SETBP1: variants seen among roughly 807,000 people sequenced by gnomAD.
SETBP1 encodes the protein SET binding protein 1, also known as SET-binding protein.
Under a neutral mutation model 101.0 loss-of-function variants are expected in SETBP1, and 9 were observed. The observed-to-expected ratio is 0.09, with a 90% CI of 0.05 to 0.16. The LOEUF is 0.16. Among genes scored for constraint, SETBP1 ranks in the 10% least tolerant of loss-of-function variants. The pLI is 1.00. For missense variants in SETBP1, 1,858 were observed against 2,033.8 expected (o/e 0.91, Z 1.66); for synonymous variants, 818 against 788.5 (o/e 1.04, Z -0.63).
intron 1 of SETBP1, among the ~76,000 whole-genome samples, chr18:44,691,073 G>A (rs940220902): frequency 1.3e-5 from 2 of 152,140 alleles, no homozygotes; most frequent in African/African-American, 4.8e-5. Flanking sequence ...ACTCATGTAT[G>A]TAGAAGCAAC....
intron 3 of SETBP1, among the ~76,000 whole-genome samples, chr18:44,927,977 A>G (rs1216106409): frequency 2.6e-5 from 4 of 152,168 alleles, no homozygotes; most frequent in Admixed American, 6.5e-5. Context: ...CATATGCACA[A>G]TGTGCAGCTT....
chr18:44,897,189 C>T (rs2069925785), intron 3 of SETBP1, among the ~76,000 whole-genome samples: 1 of 152,152 alleles, frequency 6.6e-6, no homozygotes, highest in South Asian at 2.1e-4. Context: ...CCTTTGGGGG[C>T]CATTTGAAAC....
intron 2 of SETBP1, among the ~76,000 whole-genome samples, chr18:44,835,100 A>G (rs1368866774): frequency 6.6e-6 from 1 of 152,030 alleles, no homozygotes; most frequent in Non-Finnish European, 1.5e-5. Context: ...GCCATTGAAG[A>G]GTATTAAGGA....
intron 4 of SETBP1, among the ~76,000 whole-genome samples, chr18:45,005,411 A>C (rs1462712900): frequency 1.3e-5 from 2 of 152,200 alleles, no homozygotes. Flanking sequence ...CCATGGGGTC[A>C]ACAGATTCTT....
chr18:44,898,329 A>G (rs921015780), intron 3 of SETBP1, among the ~76,000 whole-genome samples: 11 of 152,206 alleles, frequency 7.2e-5, no homozygotes, highest in Admixed American at 3.3e-4. Flanking sequence ...ATGGCTAGCC[A>G]CGTCTCAATT....
At chr18:44,769,141 A>G (rs1373932322) in intron 2 of SETBP1, among the ~76,000 whole-genome samples, 2 of 152,210 alleles carry the variant, frequency 1.3e-5, no homozygotes, top group African/African-American at 2.4e-5. Context: ...TTGGTCCAGA[A>G]AAGGAACTCT....
intron 2 of SETBP1, among the ~76,000 whole-genome samples, chr18:44,824,332 A>G (rs528731070): frequency 2.0e-5 from 3 of 152,052 alleles, no homozygotes; most frequent in African/African-American, 7.2e-5. Flanking sequence ...CTAGCACTCT[A>G]CCCTGATACC....
chr18:44,904,467 T>A (rs2070126559), intron 3 of SETBP1, among the ~76,000 whole-genome samples: 1 of 152,118 alleles, frequency 6.6e-6, no homozygotes, highest in Non-Finnish European at 1.5e-5. Flanking sequence ...TTTCTCATAG[T>A]CAAAGATGTC....
At chr18:44,916,235 T>A (rs952898605) in intron 3 of SETBP1, among the ~76,000 whole-genome samples, 5 of 152,038 alleles carry the variant, frequency 3.3e-5, no homozygotes, top group African/African-American at 1.2e-4. Context: ...CAAAAAAAGT[T>A]TTCTCTTAAC....
intron 1 of SETBP1, chr18:44,697,106 G>A (rs912967467): frequency 3.3e-5 from 5 of 152,294 alleles, no homozygotes; most frequent in Non-Finnish European, 7.3e-5. Context: ...GTCACTGACT[G>A]CTGGAATGTG....
At chr18:44,972,845 T>C (rs1327257523) in intron 4 of SETBP1, among the ~76,000 whole-genome samples, 1 of 152,208 alleles carries the variant, frequency 6.6e-6, no homozygotes, top group Non-Finnish European at 1.5e-5. Flanking sequence ...GACTTCCTCT[T>C]TTCCTAGTTG....
At chr18:44,824,472 T>G (rs568596023) in intron 2 of SETBP1, among the ~76,000 whole-genome samples, 4 of 152,230 alleles carry the variant, frequency 2.6e-5, no homozygotes, top group African/African-American at 9.6e-5. Context: ...ACATTAAAAT[T>G]TATTCATAAT....
intron 4 of SETBP1, among the ~76,000 whole-genome samples, chr18:44,961,063 G>T (rs1010472965): frequency 6.6e-6 from 1 of 152,188 alleles, no homozygotes; most frequent in Admixed American, 6.5e-5. Flanking sequence ...AGGGGCTTAG[G>T]CAGCAGTTGC....
intron 4 of SETBP1, among the ~76,000 whole-genome samples, chr18:44,991,244 C>CAA (rs55811938): frequency 0.011 from 716 of 67,678 alleles, no homozygotes; most frequent in Middle Eastern, 0.012. Context: ...CTGCATCTCA[C>CAA]AAAAAAAAAA....
Position 44,951,759 on chromosome 18 carries a change from A to C in SETBP1, c.2419A>C (p.Asn807His). 1 of 1,614,146 alleles carries C rather than the reference A, an allele frequency of 6.2e-7. No homozygotes were observed. Among genetic ancestry groups the C allele is most frequent in the Non-Finnish European group, 8.5e-7 (1 of 1,180,032 alleles). The change falls in exon 4 of 6, where the codon AAT (asparagine) becomes CAT (histidine). Residue 807 changes from asparagine (N) to histidine (H), a missense_variant. This residue lies in a region of SETBP1 where 121 missense variants were observed against 138.0 expected (regional missense o/e 0.88). Coordinates refer to ENST00000649279, the MANE Select transcript of SETBP1 (RefSeq NM_015559.3). The surrounding 1 kb of genome is among the most constrained non-coding windows in gnomAD (Gnocchi z 7.8). The part of the protein sequence containing the change: ...TNFSELKTMP[N>H]LQPISALPTK... ...TTTTTCAGAGTTGAAAACTATGCCA[A>C]ATCTCCAGCCCATCAGTGCTCTTCC...
intron 2 of SETBP1, among the ~76,000 whole-genome samples, chr18:44,730,994 A>G (rs2069827191): frequency 6.6e-6 from 1 of 152,118 alleles, no homozygotes; most frequent in Admixed American, 6.5e-5. Flanking sequence ...CCCACTTGTG[A>G]CTGGCTCTGG....
intron 4 of SETBP1, among the ~76,000 whole-genome samples, chr18:44,998,392 C>T (rs1216618200): frequency 6.6e-6 from 1 of 152,242 alleles, no homozygotes; most frequent in African/African-American, 2.4e-5. Context: ...CAGAGCTTTT[C>T]TCTTCAAGGT....
At chr18:44,896,137 C>G (rs1051097763) in intron 3 of SETBP1, among the ~76,000 whole-genome samples, 2 of 152,096 alleles carry the variant, frequency 1.3e-5, no homozygotes, top group African/African-American at 4.8e-5. Context: ...CTACCCCTGA[C>G]AGGTGGGCTG....
At chr18:45,005,737 T>G (rs1399380460) in intron 4 of SETBP1, among the ~76,000 whole-genome samples, 3 of 142,992 alleles carry the variant, frequency 2.1e-5, no homozygotes, top group Non-Finnish European at 4.6e-5. Context: ...AGCCCCACCT[T>G]CCGGGTTCAC....
Sources: allele counts gnomAD v4.1 joint callset (sites outside exome capture counted in the v4.1 genomes callset), GRCh38; gene constraint gnomAD v4.1.1; regional missense constraint gnomAD v4.1.1; non-coding constraint Gnocchi (gnomAD v3.1); transcripts MANE v1.5; gene names NCBI Gene and HGNC (gene_info 2026-07-23, HGNC 2026-07-21).